The following MAPK10 variants were observed in gnomAD, a reference collection of about 807,000 sequenced individuals.
The protein encoded by MAPK10 is JNK3 alpha protein kinase.
MAPK10 carries 25 observed loss-of-function variants against 59.3 expected under a neutral mutation model. The observed-to-expected ratio is 0.42, with a 90% CI of 0.31 to 0.59. The LOEUF (loss-of-function observed/expected upper bound fraction) is 0.59. Ranked by LOEUF, MAPK10 falls within the 20% of genes least tolerant of loss-of-function variation. The pLI, the probability that MAPK10 is intolerant of heterozygous loss-of-function variation, is 0.15. For synonymous variants in MAPK10, 190 were observed against 200.5 expected (o/e 0.95, Z 0.44); for missense variants, 351 against 568.9 (o/e 0.62, Z 3.90).
chr4:86,040,256 A>C (rs1381281065), intron 11 of MAPK10, among the ~76,000 whole-genome samples: 1 of 152,208 alleles, frequency 6.6e-6, no homozygotes, highest in African/African-American at 2.4e-5. Context: ...AATTACAGGG[A>C]AACAATTTCA....
intron 11 of MAPK10, among the ~76,000 whole-genome samples, chr4:86,043,886 G>A (rs1406824438): frequency 6.6e-6 from 1 of 152,040 alleles, no homozygotes; most frequent in Non-Finnish European, 1.5e-5. Context: ...ATGCAACTGA[G>A]GCACACAAAG....
intron 1 of MAPK10, among the ~76,000 whole-genome samples, chr4:86,404,432 CAT>C (rs1412624044): frequency 2.0e-5 from 3 of 152,190 alleles, no homozygotes; most frequent in Admixed American, 1.3e-4. Flanking sequence ...TATTACTCTT[CAT>C]TCATGATTCA....
Position 86,136,176 on chromosome 4 carries a change from C to T in MAPK10, c.236+23122G>A, listed in dbSNP as rs539206352. Among the ~76,000 whole-genome samples, 29 of 152,208 alleles carry T rather than the reference C, an allele frequency of 1.9e-4. No individual in the cohort carries two copies. The East Asian group carries it at 4.5e-3, about 23-fold the overall frequency. On this transcript the variant is annotated intron_variant, in intron 4 of 13. Transcript: ENST00000641462. Reference sequence around the variant, plus strand: ...CAGGCCAACGTTCACATTCAGGAAACACAGAGAATGCCACAAAGATACTCC... The same window carrying T: ...CAGGCCAACGTTCACATTCAGGAAATACAGAGAATGCCACAAAGATACTCC...
At chr4:86,200,122 G>A (rs1191296671) in intron 2 of MAPK10, among the ~76,000 whole-genome samples, 8 of 151,960 alleles carry the variant, frequency 5.3e-5, no homozygotes, top group Non-Finnish European at 1.2e-4. Flanking sequence ...GGGATTTTAT[G>A]TATAATTTTT....
At chr4:86,404,051 C>G (rs1351642969) in intron 1 of MAPK10, among the ~76,000 whole-genome samples, 1 of 152,144 alleles carries the variant, frequency 6.6e-6, no homozygotes, top group Non-Finnish European at 1.5e-5. Flanking sequence ...ATCATATTGT[C>G]ATGATGTCAG....
At chr4:86,309,279 A>T (rs2095625879) in intron 2 of MAPK10, among the ~76,000 whole-genome samples, 1 of 152,212 alleles carries the variant, frequency 6.6e-6, no homozygotes, top group Non-Finnish European at 1.5e-5. Context: ...GATGCTGCTC[A>T]GCGTGAATAT....
intron 13 of MAPK10, among the ~76,000 whole-genome samples, chr4:86,019,611 C>T (rs984120573): frequency 1.3e-5 from 2 of 152,096 alleles, no homozygotes; most frequent in Admixed American, 6.5e-5. Flanking sequence ...TTTTTCACCC[C>T]CGATTCTGGA....
intron 9 of MAPK10, chr4:86,081,655 T>C (rs1488886706): frequency 3.3e-5 from 4 of 119,864 alleles, no homozygotes; most frequent in African/African-American, 7.1e-5. Context: ...AGTGAAATAG[T>C]ATTTTATATC....
At chr4:86,023,852 A>ATATAT (rs1560633949) in intron 13 of MAPK10, 4 of 98,484 alleles carry the variant, frequency 4.1e-5, no homozygotes, top group African/African-American at 1.1e-4. Context: ...TATATATATA[A>ATATAT]AATGAATGTT....
intron 2 of MAPK10, chr4:86,321,702 T>A (rs1481751104): frequency 6.6e-6 from 1 of 151,746 alleles, no homozygotes; most frequent in African/African-American, 2.4e-5. Context: ...AACCTGCACA[T>A]TGTGCACATG....
At chr4:86,149,123 G>A (rs1562345362) in intron 4 of MAPK10, among the ~76,000 whole-genome samples, 1 of 152,082 alleles carries the variant, frequency 6.6e-6, no homozygotes, top group African/African-American at 2.4e-5. Flanking sequence ...TTCTGGCCTG[G>A]TTCTTGGCTT....
intron 1 of MAPK10, among the ~76,000 whole-genome samples, chr4:86,423,703 TG>T (rs1401416323): frequency 6.7e-6 from 1 of 149,858 alleles, no homozygotes; most frequent in East Asian, 2.0e-4. Context: ...TTGTGTGTTA[TG>T]AGTACTAAGT....
intron 4 of MAPK10, among the ~76,000 whole-genome samples, chr4:86,133,018 C>T (rs187495281): frequency 3.3e-5 from 5 of 152,296 alleles, no homozygotes; most frequent in East Asian, 3.9e-4. Flanking sequence ...CTGTCTTCCA[C>T]GAAATCGGTC....
chr4:86,522,319 C>T (rs551339148), intron 1 of MAPK10, among the ~76,000 whole-genome samples: 23 of 152,292 alleles, frequency 1.5e-4, no homozygotes, highest in African/African-American at 5.1e-4. Context: ...AAACATAATA[C>T]TGTTTGCCTA....
At chr4:86,353,875 A>G (rs1311065805) in intron 2 of MAPK10, among the ~76,000 whole-genome samples, 1 of 152,130 alleles carries the variant, frequency 6.6e-6, no homozygotes, top group Non-Finnish European at 1.5e-5. Flanking sequence ...TTGATTATTG[A>G]CTTTGGTGAC....
chr4:86,555,890 T>A (rs1392982556), intron 1 of MAPK10, among the ~76,000 whole-genome samples: 1 of 152,194 alleles, frequency 6.6e-6, no homozygotes, highest in Non-Finnish European at 1.5e-5. Flanking sequence ...TTTGACTAGA[T>A]ATAAATATAT....
rs12640230 is a variant in MAPK10 at position 86,049,596 on chromosome 4, G to A, written c.1110+14670C>T. 4.3e-3 allele frequency among the ~76,000 whole-genome samples: 654 copies of A among 152,040 alleles called. 30 individuals are homozygous for A. In the East Asian group the frequency reaches 0.1, roughly 24 times the overall value. The stretch of plus-strand genomic sequence containing the variant: ...TAAAATAGTTCAATTACCTCCATAA[G>A]CTTTAAGAAAACCTTCTTTAATAAC... On this transcript the variant is annotated intron_variant, in intron 11 of 13. Coordinates refer to ENST00000641462, the MANE Select transcript of MAPK10 (RefSeq NM_138982.4).
At chr4:86,275,367 A>G (rs529591374) in intron 2 of MAPK10, among the ~76,000 whole-genome samples, 3 of 152,184 alleles carry the variant, frequency 2.0e-5, no homozygotes, top group South Asian at 4.1e-4. Context: ...TTCAGATTAA[A>G]GTGAAAATTG....
In MAPK10 at chr4:86,367,441, AAG is replaced by A. The variant is rs150191509; in HGVS notation, c.-121-12799_-121-12798del. 8.9e-4 allele frequency among the ~76,000 whole-genome samples: 136 copies of A among 152,210 alleles called. 1 individual carries two copies. The highest frequency in any genetic ancestry group is 1.5e-3 in the Non-Finnish European group (101 of 68,008). Reference sequence around the variant, plus strand: ...TTGCAAAAACTATTCCACAGTTCAAAAGTTTCAGAAATGCTGCATATAATAGC... The same window carrying A: ...TTGCAAAAACTATTCCACAGTTCAAATTTCAGAAATGCTGCATATAATAGC... On this transcript the variant is annotated intron_variant, in intron 1 of 13. Coordinates refer to the MAPK10 transcript ENST00000361569.
Sources: gnomAD v4.1 joint callset for allele counts (sites outside exome capture counted in the v4.1 genomes callset) on GRCh38, gnomAD v4.1.1 for gene constraint, MANE v1.5 for transcripts, NCBI Gene and HGNC (gene_info 2026-07-23, HGNC 2026-07-21) for gene names.